DNAJC2: variants seen among roughly 807,000 people sequenced by gnomAD.
DNAJC2 encodes dnaJ homolog subfamily C member 2.
In DNAJC2, 32 loss-of-function variants were observed where a neutral mutation model predicts 94.0. The ratio of observed to expected loss-of-function variants is 0.34; its 90% CI spans 0.26 to 0.46. The LOEUF is 0.46. DNAJC2 is among the 20% of genes least tolerant of loss of function. DNAJC2 has a pLI of 1.00. For missense variants in DNAJC2, 550 were observed against 719.5 expected (o/e 0.76, Z 2.69); for synonymous variants, 210 against 229.7 (o/e 0.91, Z 0.77).
In DNAJC2 at chr7:103,323,658, T is replaced by G; in HGVS notation, c.659A>C (p.Asn220Thr). The G allele has an allele frequency of 1.4e-6, 2 of 1,433,662 alleles. No homozygotes were observed. The highest frequency in any genetic ancestry group is 1.9e-6 in the Non-Finnish European group (2 of 1,051,218). The allele number at this position is 1,433,662 out of a possible 1,614,324, so 88.8% of individuals were successfully genotyped here. A position where few individuals can be genotyped will look rare whatever the true frequency, so the allele number is the denominator to read the frequency against. The change falls in exon 7 of 17, where the codon AAT (asparagine) becomes ACT (threonine). Residue 220 changes from asparagine (N) to threonine (T), a missense_variant. By Grantham distance (65) the Asn-to-Thr change is moderately conservative (BLOSUM62 0). Around this residue, in one of 2 missense-constraint regions of DNAJC2, gnomAD observed 279 missense variants for 416.9 expected, o/e 0.67. Transcript: ENST00000379263. ...AGAAAATTCTCTCCAAGAATCAAAA[T>G]TATACCTAATATAGACAGAAATAAT... ...DVDIFYSFWYNFDSWREFSYL... is the reference protein window; with the variant it reads ...DVDIFYSFWYTFDSWREFSYL...
In DNAJC2 at chr7:103,344,714, G is replaced by A. The variant is rs1439610864; in HGVS notation, c.-92C>T. 8 of 1,364,058 alleles carry A rather than the reference G, an allele frequency of 5.9e-6. No homozygotes were observed. The highest frequency in any genetic ancestry group is 5.7e-5 in the African/African-American group (4 of 70,180). 84.5% of individuals were successfully genotyped at this position (1,364,058 alleles called of 1,614,324 possible). A position where few individuals can be genotyped will look rare whatever the true frequency, so the allele number is the denominator to read the frequency against. On this transcript the variant is annotated 5_prime_UTR_variant, in exon 1 of 17. Transcript: ENST00000379263. ...CCTCCAGCTCTACCTCTCACTCCGA[G>A]CCTCGCGCCTTGGCTCTAAGACGCC... is the stretch of plus-strand genomic sequence containing the variant.
At chr7:103,316,683 A>G in intron 13 of DNAJC2, 147 bp downstream of exon 13, 2 of 655,996 alleles carry the variant, frequency 3.0e-6, no homozygotes, top group South Asian at 3.9e-5. Flanking sequence ...CAGCTTCAAA[A>G]TGCACCTCAC....
At position 103,337,796 on chromosome 7, in the gene DNAJC2, C is replaced by A; in HGVS notation, c.271G>T (p.Ala91Ser). The change falls in exon 3 of 17, where the codon GCA (alanine) becomes TCA (serine). Residue 91 changes from alanine (A) to serine (S), a missense_variant. Around this residue, in one of 2 missense-constraint regions of DNAJC2, gnomAD observed 279 missense variants for 416.9 expected, o/e 0.67. Transcript: ENST00000379263. ...PKDWKNQDHY[A>S]VLGLGHVRYK... The stretch of plus-strand genomic sequence containing the variant: ...CTCACATGGCCAAGTCCAAGAACTG[C>A]ATAATGATCTTGGTTCTGGAAAAAA... 1 of 1,613,002 alleles carries A rather than the reference C, an allele frequency of 6.2e-7. No individual in the cohort carries two copies. The highest frequency in any genetic ancestry group is 1.3e-5 in the African/African-American group (1 of 74,908).
Position 103,322,021 on chromosome 7 carries a change from T to C in DNAJC2, c.994A>G (p.Arg332Gly), listed in dbSNP as rs1314337963. ...LAKEKEEEEV[R>G]QQALLAKKEK... is the part of the protein sequence containing the mutation. Reference sequence around the variant, plus strand: ...TTCTTTGCCAGCAATGCTTGCTGTCTGACTTCCTCCTCTTCTTTCTCCTTA... The same window carrying C: ...TTCTTTGCCAGCAATGCTTGCTGTCCGACTTCCTCCTCTTCTTTCTCCTTA... The change falls in exon 10 of 17, where the codon AGA (arginine) becomes GGA (glycine). Residue 332 changes from arginine (R) to glycine (G), a missense_variant. Arg to Gly is a moderately radical substitution (Grantham distance 125). Around this residue, in one of 2 missense-constraint regions of DNAJC2, gnomAD observed 279 missense variants for 416.9 expected, o/e 0.67. Transcript: ENST00000379263. The C allele has an allele frequency of 1.2e-6, 2 of 1,613,886 alleles. No individual in the cohort carries two copies. The highest frequency in any genetic ancestry group is 1.3e-5 in the African/African-American group (1 of 74,940).
chr7:103,325,783 C>T (rs370554311), intron 5 of DNAJC2, among the ~76,000 whole-genome samples: 8 of 152,120 alleles, frequency 5.3e-5, no homozygotes, highest in East Asian at 1.9e-4. Flanking sequence ...AAATAAAATA[C>T]GTATGCTTTA....
intron 15 of DNAJC2, chr7:103,313,666 T>C (rs1337825327): frequency 2.0e-6 from 2 of 985,334 alleles, no homozygotes; most frequent in African/African-American, 3.5e-5. Context: ...GTTCTCTTCG[T>C]CACATCTGCT....
intron 3 of DNAJC2, among the ~76,000 whole-genome samples, chr7:103,332,206 C>T (rs531993854): frequency 1.2e-4 from 19 of 152,208 alleles, no homozygotes; most frequent in African/African-American, 2.4e-4. Flanking sequence ...GGGGTTTCAC[C>T]GTGTTAGCCA....
intron 6 of DNAJC2, 85 bp downstream of exon 6, chr7:103,324,397 A>G: frequency 8.2e-7 from 1 of 1,213,048 alleles, no homozygotes. Flanking sequence ...TGTCCATCTG[A>G]ATTAATTTAT....
At chr7:103,322,237 T>C (rs545198035) in intron 9 of DNAJC2, among the ~76,000 whole-genome samples, 156 bp from the exon 10 acceptor site, 2 of 152,296 alleles carry the variant, frequency 1.3e-5, no homozygotes, top group African/African-American at 2.4e-5. Context: ...AGACAGCTGG[T>C]AAAGATCTAT....
At chr7:103,336,549 T>C (rs1819182166) in intron 3 of DNAJC2, 1 of 152,214 alleles carries the variant, frequency 6.6e-6, no homozygotes, top group Non-Finnish European at 1.5e-5. Context: ...TTTCTCCACG[T>C]TGGCCAGGCT....
chr7:103,328,953 T>C (rs745927515), intron 3 of DNAJC2: 6 of 1,239,796 alleles, frequency 4.8e-6, no homozygotes, highest in South Asian at 1.3e-5. Flanking sequence ...GAAGTGAACT[T>C]CATGAATGGA....
At position 103,322,034 on chromosome 7, in the gene DNAJC2, T is replaced by C. The variant is rs747255126; in HGVS notation, c.981A>G (p.Glu327=). The change falls in exon 10 of 17, where the codon GAA becomes GAG. Residue 327 remains glutamate, a synonymous_variant. Transcript: ENST00000379263. ...LEAARLAKEK[E]EEEVRQQALL... is the part of the protein sequence containing the mutation. ...ATGCTTGCTGTCTGACTTCCTCCTC[T>C]TCTTTCTCCTTAGCTAACCGAGCAG... The C allele has an allele frequency of 1.2e-6, 2 of 1,613,966 alleles. No homozygotes were observed. The highest frequency in any genetic ancestry group is 2.2e-5 in the East Asian group (1 of 44,864).
At chr7:103,343,698 C>T (rs780208160) in intron 1 of DNAJC2, among the ~76,000 whole-genome samples, 3 of 152,108 alleles carry the variant, frequency 2.0e-5, no homozygotes, top group South Asian at 4.1e-4. Context: ...AAGGAAAATC[C>T]CTGAACAACT....
At position 103,337,826 on chromosome 7, in the gene DNAJC2, C is replaced by A. The variant is rs976425171; in HGVS notation, c.256-15G>T. 2 of 1,604,104 alleles carry A rather than the reference C, an allele frequency of 1.2e-6. No homozygotes were observed. The highest frequency in any genetic ancestry group is 2.2e-5 in the South Asian group (2 of 90,162). On this transcript the variant is annotated splice_polypyrimidine_tract_variant and intron_variant, in intron 2 of 16. Transcript: ENST00000379263. ...TGATCTTGGTTCTGGAAAAAAAACA[C>A]AAAAGGGAGTCAAATTTGAAATGAA...
chr7:103,326,398 A>G, intron 5 of DNAJC2, 145 bp downstream of exon 5: 2 of 788,768 alleles, frequency 2.5e-6, no homozygotes, highest in South Asian at 3.4e-5. Flanking sequence ...AGGGCTGAAT[A>G]TTGCAGAGAA....
In DNAJC2 at chr7:103,316,154, C is replaced by T. The variant is rs969972261; in HGVS notation, c.1428-66G>A. On this transcript the variant is annotated intron_variant, in intron 13 of 16. Transcript: ENST00000379263. ...GAAAAACAAAATGAAACGACAAAAACCATTAGATTTTTACTGCAGAAAGGT... is the reference window on the plus strand; with the variant it reads ...GAAAAACAAAATGAAACGACAAAAATCATTAGATTTTTACTGCAGAAAGGT... The T allele has an allele frequency of 1.2e-5, 12 of 1,040,836 alleles. No individual in the cohort carries two copies. In the South Asian group the frequency reaches 1.4e-4, roughly 12 times the overall value. 64.5% of individuals were successfully genotyped at this position (1,040,836 alleles called of 1,614,324 possible).
At chr7:103,344,429 G>A (rs904414397) in intron 1 of DNAJC2, 130 bp downstream of exon 1, 8 of 1,006,392 alleles carry the variant, frequency 7.9e-6, no homozygotes, top group Non-Finnish European at 1.1e-5. Flanking sequence ...AAAGGCACTC[G>A]TCACGGCCCC....
intron 3 of DNAJC2, among the ~76,000 whole-genome samples, chr7:103,331,782 T>C (rs554364116): frequency 6.6e-6 from 1 of 152,326 alleles, no homozygotes; most frequent in South Asian, 2.1e-4. Context: ...ATTCCTTATC[T>C]TTGTTATTAT....
chr7:103,332,971 G>C (rs891853107), intron 3 of DNAJC2, among the ~76,000 whole-genome samples: 2 of 152,092 alleles, frequency 1.3e-5, no homozygotes, highest in African/African-American at 4.8e-5. Flanking sequence ...TGAAATGCTT[G>C]GGACCAAAAG....
Sources: allele counts gnomAD v4.1 joint callset (sites outside exome capture counted in the v4.1 genomes callset), GRCh38; gene constraint gnomAD v4.1.1; regional missense constraint gnomAD v4.1.1; transcripts MANE v1.5; gene names NCBI Gene and HGNC (gene_info 2026-07-23, HGNC 2026-07-21).